IL7: variants seen among roughly 807,000 people sequenced by gnomAD.
IL7 encodes interleukin 7.
A neutral mutation model predicts 21.6 loss-of-function variants in IL7; 3 were observed. The observed-to-expected ratio is 0.14, with a 90% CI of 0.06 to 0.36. The LOEUF (loss-of-function observed/expected upper bound fraction) is 0.36, where lower values mean the gene tolerates loss of function less well. Among genes scored for constraint, IL7 ranks in the 10% least tolerant of loss-of-function variants. IL7 has a pLI of 1.00. For synonymous variants in IL7, 62 were observed against 68.1 expected, an observed-to-expected ratio of 0.91 and a Z score of 0.44; for missense variants, 175 against 200.2, an observed-to-expected ratio of 0.87 and a Z score of 0.76.
chr8:78,725,499 T>G (rs1362423005), intron 3 of IL7, among the ~76,000 whole-genome samples: 2 of 152,022 alleles, frequency 1.3e-5, no homozygotes, highest in African/African-American at 2.4e-5. Flanking sequence ...CCAATAGCTT[T>G]TAGTTATTAT....
At chr8:78,781,538 A>G (rs1020809215) in intron 2 of IL7, among the ~76,000 whole-genome samples, 2 of 152,120 alleles carry the variant, frequency 1.3e-5, no homozygotes, top group African/African-American at 4.8e-5. Flanking sequence ...AGTGTTGAAT[A>G]TTGGCCCCCA....
intron 1 of IL7, among the ~76,000 whole-genome samples, chr8:78,801,861 G>T (rs1337824454): frequency 6.6e-6 from 1 of 152,116 alleles, no homozygotes; most frequent in Non-Finnish European, 1.5e-5. Context: ...ATGTAGCTTG[G>T]TAGTTTGGTC....
intron 2 of IL7, among the ~76,000 whole-genome samples, chr8:78,767,003 C>T (rs72661363): frequency 6.6e-6 from 1 of 152,096 alleles, no homozygotes; most frequent in Admixed American, 6.5e-5. Flanking sequence ...CTCATTATAG[C>T]TTACATTTGC....
At chr8:78,790,358 T>A (rs1255167289) in intron 2 of IL7, among the ~76,000 whole-genome samples, 5 of 152,120 alleles carry the variant, frequency 3.3e-5, no homozygotes, top group Non-Finnish European at 7.4e-5. Flanking sequence ...CAAAACTAGT[T>A]CATATTGATA....
chr8:78,689,188 G>A, intron 3 of IL7: 2 of 1,391,334 alleles, frequency 1.4e-6, no homozygotes, highest in South Asian at 1.8e-5. Context: ...CAAGTACTAT[G>A]CTATTAATCT....
intron 2 of IL7, among the ~76,000 whole-genome samples, chr8:78,749,185 C>T (rs891334689): frequency 5.3e-5 from 8 of 152,070 alleles, no homozygotes; most frequent in Admixed American, 2.0e-4. Context: ...CTTATGTACT[C>T]GTGTATATTT....
intron 3 of IL7, among the ~76,000 whole-genome samples, chr8:78,725,989 C>G (rs1320369615): frequency 6.6e-6 from 1 of 151,626 alleles, no homozygotes; most frequent in African/African-American, 2.4e-5. Context: ...AGTTCACATC[C>G]TAATAGATGA....
chr8:78,677,831 G>A (rs1488524398), intron 4 of IL7, among the ~76,000 whole-genome samples: 6 of 152,120 alleles, frequency 3.9e-5, no homozygotes, highest in African/African-American at 1.4e-4. Context: ...AGTTGATTAA[G>A]AAAGTAAAGG....
Position 78,733,602 on chromosome 8 carries a change from G to T in IL7, c.*111C>A. ...AATGCCCTAATCCGTTTTGACCATG[G>T]TGCATTCAGTAACTTCTAGGAAGCA... On this transcript the variant is annotated 3_prime_UTR_variant, in exon 6 of 6. Transcript: ENST00000263851. 9.0e-7 allele frequency: 1 copy of T among 1,109,354 alleles called. No individual in the cohort carries two copies. The highest frequency in any genetic ancestry group is 1.3e-6 in the Non-Finnish European group (1 of 772,390). The allele number at this position is 1,109,354 out of a possible 1,614,324, so 68.7% of individuals were successfully genotyped here. A position where few individuals can be genotyped will look rare whatever the true frequency, so the allele number is the denominator to read the frequency against.
In IL7 at chr8:78,779,650, C is replaced by T. The variant is rs117946429; in HGVS notation, c.147+18422G>A. The stretch of plus-strand genomic sequence containing the variant: ...TGGATTTGGTTTGGCAGTATTTTAC[C>T]GAAGATTTTTGTATTGACGTTCATC... On this transcript the variant is annotated intron_variant, in intron 2 of 5. Coordinates refer to ENST00000263851, the MANE Select transcript of IL7 (RefSeq NM_000880.4). Among the ~76,000 whole-genome samples the T allele has an allele frequency of 4.1e-3, 622 of 151,746 alleles. 6 individuals carry two copies. Among genetic ancestry groups the T allele is most frequent in the African/African-American group, 0.014 (568 of 41,482 alleles).
At chr8:78,716,264 A>G (rs868714575), downstream of IL7, among the ~76,000 whole-genome samples, 58 of 151,406 alleles carry the variant, frequency 3.8e-4, no homozygotes, top group African/African-American at 1.4e-3. Context: ...CTGGGACTAC[A>G]GGCGCCCGCC....
chr8:78,713,321 T>C (rs1811005172), downstream of IL7, among the ~76,000 whole-genome samples: 1 of 152,146 alleles, frequency 6.6e-6, no homozygotes, highest in South Asian at 2.1e-4. Flanking sequence ...TAGCTATTAA[T>C]GATGATAATC....
At chr8:78,690,464 G>A (rs1810173252) in intron 3 of IL7, among the ~76,000 whole-genome samples, 2 of 151,846 alleles carry the variant, frequency 1.3e-5, no homozygotes, top group African/African-American at 4.8e-5. Flanking sequence ...GGAGGCTGAG[G>A]CAGGAGAATG....
At chr8:78,677,783 A>G (rs1306297339) in intron 4 of IL7, among the ~76,000 whole-genome samples, 1 of 152,150 alleles carries the variant, frequency 6.6e-6, no homozygotes, top group African/African-American at 2.4e-5. Flanking sequence ...TTGCACAGGA[A>G]ACAATTTAGG....
chr8:78,706,507 C>T (rs535132890), intron 3 of IL7, among the ~76,000 whole-genome samples: 1 of 152,206 alleles, frequency 6.6e-6, no homozygotes, highest in African/African-American at 2.4e-5. Flanking sequence ...GTTGGAGAAG[C>T]GTGGTTTCCC....
chr8:78,758,936 T>C (rs1287614131), intron 2 of IL7, among the ~76,000 whole-genome samples: 1 of 152,034 alleles, frequency 6.6e-6, no homozygotes. Flanking sequence ...TTTCAATAAA[T>C]AGGTTGTCTA....
At chr8:78,735,279 T>TC (rs1374370040) in intron 5 of IL7, among the ~76,000 whole-genome samples, 2 of 129,602 alleles carry the variant, frequency 1.5e-5, no homozygotes, top group African/African-American at 6.5e-5. Flanking sequence ...TTCTTTTCTT[T>TC]TTTTTTTTTT....
At chr8:78,795,081 A>G (rs1813810795) in intron 2 of IL7, among the ~76,000 whole-genome samples, 1 of 152,104 alleles carries the variant, frequency 6.6e-6, no homozygotes, top group South Asian at 2.1e-4. Context: ...CCTGGGCCTC[A>G]GATTCTTCTG....
chr8:78,790,286 A>G (rs1475859867), intron 2 of IL7, among the ~76,000 whole-genome samples: 1 of 152,180 alleles, frequency 6.6e-6, no homozygotes, highest in African/African-American at 2.4e-5. Context: ...TATGTAGTTC[A>G]ACCATGTGAG....
Sources: allele counts gnomAD v4.1 joint callset (sites outside exome capture counted in the v4.1 genomes callset), GRCh38; gene constraint gnomAD v4.1.1; transcripts MANE v1.5; gene names NCBI Gene and HGNC (gene_info 2026-07-23, HGNC 2026-07-21).